Variants in SYT16 observed in about 807,000 individuals in gnomAD.
SYT16 encodes synaptotagmin 16, also known as synaptotagmin-16.
A neutral mutation model predicts 61.4 loss-of-function variants in SYT16; 42 were observed. That is an observed-to-expected ratio of 0.68 (90% CI 0.53 to 0.89). SYT16 has a LOEUF of 0.89. Among genes scored for constraint, SYT16 ranks in the 40% least tolerant of loss-of-function variants. The pLI is 0.00. For missense variants in SYT16, 804 were observed against 807.3 expected, an observed-to-expected ratio of 1.00 and a Z score of 0.05; for synonymous variants, 314 against 302.3, an observed-to-expected ratio of 1.04 and a Z score of -0.40.
At chr14:61,834,235 A>G (rs2046049630) in intron 1 of SYT16, among the ~76,000 whole-genome samples, 1 of 151,638 alleles carries the variant, frequency 6.6e-6, no homozygotes, top group Admixed American at 6.6e-5. Flanking sequence ...GGTTCAAGCA[A>G]TTCTCCTGCC....
intron 1 of SYT16, among the ~76,000 whole-genome samples, chr14:61,952,997 G>A (rs2050732174): frequency 6.6e-6 from 1 of 152,124 alleles, no homozygotes; most frequent in African/African-American, 2.4e-5. Context: ...AACTAGCTCT[G>A]GATGTAGGAC....
intron 1 of SYT16, among the ~76,000 whole-genome samples, chr14:61,937,866 T>C (rs1190528093): frequency 6.6e-6 from 1 of 152,150 alleles, no homozygotes; most frequent in Non-Finnish European, 1.5e-5. Flanking sequence ...CATGTGTCTA[T>C]GTGTCAATCA....
At chr14:61,869,815 T>C (rs888258546) in intron 1 of SYT16, among the ~76,000 whole-genome samples, 5 of 152,228 alleles carry the variant, frequency 3.3e-5, no homozygotes, top group African/African-American at 1.2e-4. Context: ...GAAGAGAAGA[T>C]GGCTATCTGC....
intron 3 of SYT16, among the ~76,000 whole-genome samples, chr14:62,058,639 C>T (rs1243210963): frequency 2.0e-5 from 3 of 152,152 alleles, no homozygotes; most frequent in African/African-American, 7.2e-5. Context: ...GCTGGGATTA[C>T]AGGCATGAGC....
rs532503453 is a variant in SYT16, at chr14:61,971,945, A to G, written c.-145+1634A>G. On this transcript the variant is annotated intron_variant, in intron 2 of 7. Transcript: ENST00000683842. ...GAGACGAACAGATGTCTGTTTGGCCATGGGGTGGTATGAAGGTAGGATTCA... is the reference window on the plus strand; with the variant it reads ...GAGACGAACAGATGTCTGTTTGGCCGTGGGGTGGTATGAAGGTAGGATTCA... 3.3e-5 allele frequency among the ~76,000 whole-genome samples: 5 copies of G among 152,338 alleles called. No homozygotes were observed. In the South Asian group the frequency reaches 8.3e-4, roughly 25 times the overall value.
chr14:61,867,896 C>CT (rs2047209416), intron 1 of SYT16, among the ~76,000 whole-genome samples: 1 of 152,006 alleles, frequency 6.6e-6, no homozygotes, highest in Non-Finnish European at 1.5e-5. Context: ...TTGCCAAGTG[C>CT]TTTTTCTGCA....
At chr14:61,842,838 A>C (rs930314213) in intron 1 of SYT16, among the ~76,000 whole-genome samples, 1 of 152,064 alleles carries the variant, frequency 6.6e-6, no homozygotes, top group Admixed American at 6.6e-5. Context: ...TGACGAGTTA[A>C]TGGGTGCAGC....
intron 1 of SYT16, among the ~76,000 whole-genome samples, chr14:61,965,804 C>T (rs2140513429): frequency 6.6e-6 from 1 of 151,046 alleles, no homozygotes; most frequent in East Asian, 2.0e-4. Flanking sequence ...ATCGAAGATG[C>T]AATTGAAGAA....
intron 1 of SYT16, among the ~76,000 whole-genome samples, chr14:61,815,721 C>A (rs2140204302): frequency 6.6e-6 from 1 of 152,276 alleles, no homozygotes; most frequent in Admixed American, 6.5e-5. Context: ...TCGTGAGGAA[C>A]TTTGAGATCC....
At chr14:61,904,324 T>C (rs1411807470) in intron 1 of SYT16, among the ~76,000 whole-genome samples, 1 of 152,148 alleles carries the variant, frequency 6.6e-6, no homozygotes, top group Non-Finnish European at 1.5e-5. Flanking sequence ...AGGTGTGGGG[T>C]TGGCTTCTGC....
intron 3 of SYT16, among the ~76,000 whole-genome samples, chr14:62,024,432 T>C (rs1483966350): frequency 6.6e-6 from 1 of 152,134 alleles, no homozygotes; most frequent in Non-Finnish European, 1.5e-5. Context: ...GATGTATGTG[T>C]ATTATCCTTA....
At chr14:62,011,895 A>ACACACT (rs2053471739) in intron 3 of SYT16, among the ~76,000 whole-genome samples, 1 of 131,354 alleles carries the variant, frequency 7.6e-6, no homozygotes, top group Non-Finnish European at 1.6e-5. Flanking sequence ...ACACACACAC[A>ACACACT]CACACACACA....
intron 1 of SYT16, among the ~76,000 whole-genome samples, chr14:61,882,124 C>T (rs532398617): frequency 2.4e-4 from 36 of 152,102 alleles, no homozygotes; most frequent in Non-Finnish European, 4.7e-4. Context: ...CCAAAGTGAT[C>T]CTTTTAAAAA....
At chr14:62,010,630 C>T (rs1376361524) in intron 3 of SYT16, among the ~76,000 whole-genome samples, 1 of 152,088 alleles carries the variant, frequency 6.6e-6, no homozygotes, top group African/African-American at 2.4e-5. Flanking sequence ...TACATTTTTA[C>T]TGAAGGATGT....
chr14:61,982,620 T>C (rs1232283549), intron 2 of SYT16, among the ~76,000 whole-genome samples: 1 of 152,084 alleles, frequency 6.6e-6, no homozygotes, highest in Non-Finnish European at 1.5e-5. Flanking sequence ...GGTGGGGACA[T>C]AGCCAAACCA....
chr14:61,984,338 G>A (rs1379962209), intron 2 of SYT16, among the ~76,000 whole-genome samples: 1 of 152,118 alleles, frequency 6.6e-6, no homozygotes. Context: ...ATTCCATTTA[G>A]AATTTCTCCA....
At chr14:61,997,767 A>C (rs1396767850) in intron 3 of SYT16, among the ~76,000 whole-genome samples, 1 of 152,076 alleles carries the variant, frequency 6.6e-6, no homozygotes, top group Non-Finnish European at 1.5e-5. Flanking sequence ...TTCCTATTTT[A>C]GAACATTCTT....
At chr14:62,065,102 C>T (rs888034201) in intron 3 of SYT16, among the ~76,000 whole-genome samples, 4 of 152,168 alleles carry the variant, frequency 2.6e-5, no homozygotes, top group Admixed American at 6.5e-5. Flanking sequence ...TCTGCTCTAC[C>T]TTTATCCATC....
chr14:61,872,336 G>A (rs978610326), intron 1 of SYT16, among the ~76,000 whole-genome samples: 2 of 151,646 alleles, frequency 1.3e-5, no homozygotes, highest in African/African-American at 2.4e-5. Flanking sequence ...AGGGTAATTG[G>A]GATATCAATC....
Sources: allele counts gnomAD v4.1 joint callset (sites outside exome capture counted in the v4.1 genomes callset), GRCh38; gene constraint gnomAD v4.1.1; transcripts MANE v1.5; gene names NCBI Gene and HGNC (gene_info 2026-07-23, HGNC 2026-07-21).